Variants in PTP4A3 observed in about 807,000 individuals in gnomAD.
The protein encoded by PTP4A3 is protein tyrosine phosphatase type IVA 3.
A neutral mutation model predicts 15.2 loss-of-function variants in PTP4A3; 9 were observed. The ratio of observed to expected loss-of-function variants is 0.59; its 90% CI spans 0.36 to 1.03. The LOEUF is 1.03. PTP4A3 is among the 50% of genes least tolerant of loss of function. The pLI is 0.02. For missense variants in PTP4A3, 234 were observed against 252.1 expected (o/e 0.93, Z 0.49); for synonymous variants, 95 against 102.0 (o/e 0.93, Z 0.41).
intron 1 of PTP4A3, among the ~76,000 whole-genome samples, chr8:141,418,988 C>G (rs919721956): frequency 2.6e-5 from 4 of 152,102 alleles, no homozygotes; most frequent in Admixed American, 2.6e-4. Flanking sequence ...GGGCCCTAGG[C>G]TGCAGAGACA....
At chr8:141,396,089 C>T (rs928586267) in intron 1 of PTP4A3, among the ~76,000 whole-genome samples, 7 of 152,220 alleles carry the variant, frequency 4.6e-5, no homozygotes, top group Non-Finnish European at 8.8e-5. Context: ...ACTGTAACCC[C>T]GTGCCATGTG....
Position 141,430,918 on chromosome 8 carries a change from T to C in PTP4A3, c.405-9T>C. On this transcript the variant is annotated splice_polypyrimidine_tract_variant and intron_variant, in intron 5 of 5. Coordinates refer to ENST00000521578, the MANE Select transcript of PTP4A3 (RefSeq NM_032611.3). ...TGGATGATCTCTGTTCCTGTTCCCCTCTTCCCAGGAAGCGCCGCGGAGCCA... is the reference window on the plus strand; with the variant it reads ...TGGATGATCTCTGTTCCTGTTCCCCCCTTCCCAGGAAGCGCCGCGGAGCCA... 1.9e-6 allele frequency: 3 copies of C among 1,612,694 alleles called. No individual in the cohort carries two copies. The highest frequency in any genetic ancestry group is 2.5e-6 in the Non-Finnish European group (3 of 1,179,620).
chr8:141,418,917 G>A (rs1169093117), intron 1 of PTP4A3, among the ~76,000 whole-genome samples: 1 of 152,156 alleles, frequency 6.6e-6, no homozygotes, highest in African/African-American at 2.4e-5. Flanking sequence ...CACCAGGCAG[G>A]GCAGAGCCAC....
intron 1 of PTP4A3, among the ~76,000 whole-genome samples, chr8:141,403,735 C>G (rs962656676): frequency 6.6e-6 from 1 of 152,226 alleles, no homozygotes; most frequent in African/African-American, 2.4e-5. Flanking sequence ...CCCAGCTTTC[C>G]GTGGGCCAGT....
intron 1 of PTP4A3, among the ~76,000 whole-genome samples, chr8:141,419,451 C>T (rs1241925650): frequency 6.6e-6 from 1 of 152,238 alleles, no homozygotes; most frequent in East Asian, 1.9e-4. Context: ...GTGGTGGCTT[C>T]CCTCACCCAC....
chr8:141,409,050 T>A (rs902253904), intron 1 of PTP4A3, among the ~76,000 whole-genome samples: 1 of 152,202 alleles, frequency 6.6e-6, no homozygotes, highest in East Asian at 1.9e-4. Flanking sequence ...CATTTGATTC[T>A]GGAGGGTGGG....
intron 1 of PTP4A3, among the ~76,000 whole-genome samples, chr8:141,398,396 A>G (rs1832503790): frequency 1.3e-5 from 2 of 152,208 alleles, no homozygotes; most frequent in Admixed American, 1.3e-4. Context: ...TGATGTGGGC[A>G]GACGGGCGTC....
At chr8:141,427,956 T>C in intron 5 of PTP4A3, 132 bp downstream of exon 5, 1 of 899,742 alleles carries the variant, frequency 1.1e-6, no homozygotes, top group Admixed American at 2.8e-5. Flanking sequence ...AAGCTGGGCC[T>C]TGCTGCAGAA....
intron 3 of PTP4A3, chr8:141,426,596 TTG>T: frequency 1.0e-6 from 1 of 985,280 alleles, no homozygotes; most frequent in Non-Finnish European, 1.2e-6. Context: ...GCGTGAGGGA[TTG>T]TGACCCCAGA....
chr8:141,424,490 A>G (rs959187668), intron 2 of PTP4A3, among the ~76,000 whole-genome samples: 9 of 152,034 alleles, frequency 5.9e-5, no homozygotes, highest in Non-Finnish European at 1.0e-4. Context: ...AACTGGACCC[A>G]TCCCTGCGGC....
intron 3 of PTP4A3, 146 bp from the exon 4 acceptor site, chr8:141,426,793 C>T (rs1427905872): frequency 4.9e-6 from 7 of 1,420,490 alleles, no homozygotes; most frequent in Non-Finnish European, 6.6e-6. Flanking sequence ...TGTGCCCCTC[C>T]TGTGTGCCCT....
At chr8:141,400,776 C>G (rs548606555) in intron 1 of PTP4A3, among the ~76,000 whole-genome samples, 1 of 152,326 alleles carries the variant, frequency 6.6e-6, no homozygotes, top group Non-Finnish European at 1.5e-5. Flanking sequence ...TGCCCGGGTC[C>G]ACACTGGCCC....
chr8:141,425,186 G>T lies in PTP4A3; in HGVS notation c.198+46G>T. On this transcript the variant is annotated intron_variant, in intron 3 of 5. Transcript: ENST00000521578. This position sits in a 1 kb window ranked among gnomAD's most constrained non-coding sequence, Gnocchi z 4.2. ...ACCCTAGTCACTGCTGCCACCGGGG[G>T]AGGGTGGGGCGGGGGGCTCCGGGCC... 7.0e-7 allele frequency: 1 copy of T among 1,438,492 alleles called. No homozygotes were observed. The highest frequency in any genetic ancestry group is 9.7e-7 in the Non-Finnish European group (1 of 1,028,370). The allele number at this position is 1,438,492 out of a possible 1,614,324, so 89.1% of individuals were successfully genotyped here. A position where few individuals can be genotyped will look rare whatever the true frequency, so the allele number is the denominator to read the frequency against.
intron 1 of PTP4A3, among the ~76,000 whole-genome samples, chr8:141,393,025 C>A (rs1832336069): frequency 6.6e-6 from 1 of 152,148 alleles, no homozygotes; most frequent in Non-Finnish European, 1.5e-5. Flanking sequence ...CCCTGGGGGC[C>A]CTGCTCCCAG....
At chr8:141,395,518 C>T (rs539666077) in intron 1 of PTP4A3, among the ~76,000 whole-genome samples, 1 of 152,180 alleles carries the variant, frequency 6.6e-6, no homozygotes, top group African/African-American at 2.4e-5. Flanking sequence ...GTTTACCTTC[C>T]TCCTGGAGGG....
At chr8:141,404,156 C>T (rs1832668557) in intron 1 of PTP4A3, among the ~76,000 whole-genome samples, 1 of 152,270 alleles carries the variant, frequency 6.6e-6, no homozygotes, top group Non-Finnish European at 1.5e-5. Context: ...CCACACAGAC[C>T]TGGGGAGCTC....
At chr8:141,409,665 C>A (rs1397449628) in intron 1 of PTP4A3, among the ~76,000 whole-genome samples, 5 of 152,228 alleles carry the variant, frequency 3.3e-5, no homozygotes, top group Non-Finnish European at 5.9e-5. Context: ...GCTGAGCCTT[C>A]AGATGCCTGG....
intron 2 of PTP4A3, among the ~76,000 whole-genome samples, chr8:141,423,635 T>C (rs1265216920): frequency 2.6e-5 from 4 of 151,360 alleles, no homozygotes; most frequent in African/African-American, 9.7e-5. Context: ...TGGGGCTCAG[T>C]GTTTGACCAG....
chr8:141,427,168 A>G, intron 4 of PTP4A3, 99 bp downstream of exon 4: 1 of 1,508,708 alleles, frequency 6.6e-7, no homozygotes, highest in Non-Finnish European at 8.9e-7. Context: ...ACACACGTCC[A>G]CGCGACCTTC....
Sources: gnomAD v4.1 joint callset for allele counts (sites outside exome capture counted in the v4.1 genomes callset) on GRCh38, gnomAD v4.1.1 for gene constraint, Gnocchi (gnomAD v3.1) non-coding constraint, MANE v1.5 for transcripts, NCBI Gene and HGNC (gene_info 2026-07-23, HGNC 2026-07-21) for gene names.